CDH8: variants seen among roughly 807,000 people sequenced by gnomAD.
CDH8 encodes cadherin 8.
In CDH8, 17 loss-of-function variants were observed where a neutral mutation model predicts 68.1. That is an observed-to-expected ratio of 0.25 (90% CI 0.17 to 0.37). The LOEUF is 0.37. Among genes scored for constraint, CDH8 ranks in the 10% least tolerant of loss-of-function variants. The pLI, the probability that CDH8 is intolerant of heterozygous loss-of-function variation, is 1.00. For missense variants in CDH8, 763 were observed against 999.3 expected (o/e 0.76, Z 3.19); for synonymous variants, 372 against 365.1 (o/e 1.02, Z -0.21).
chr16:61,889,014 T>C (rs867983583), intron 3 of CDH8, among the ~76,000 whole-genome samples: 5 of 152,158 alleles, frequency 3.3e-5, no homozygotes, highest in Admixed American at 2.0e-4. Context: ...GTAGCACAAA[T>C]ATGATTAGAA....
chr16:61,954,215 T>A lies in CDH8; in HGVS notation c.253-52742A>T, dbSNP rs76873604. ...TGAAGTTGGTTGTTCAGCTCTCATC[T>A]ATCCACCATGGAGAAAGGAGGAGGA... On this transcript the variant is annotated intron_variant, in intron 2 of 11. Coordinates refer to ENST00000577390, the MANE Select transcript of CDH8 (RefSeq NM_001796.5). 5.7e-3 allele frequency among the ~76,000 whole-genome samples: 870 copies of A among 152,142 alleles called. 10 individuals carry two copies. The highest frequency in any genetic ancestry group is 0.027 in the Middle Eastern group (8 of 294).
At chr16:61,806,529 C>T (rs1235662687) in intron 7 of CDH8, among the ~76,000 whole-genome samples, 1 of 126,694 alleles carries the variant, frequency 7.9e-6, no homozygotes, top group African/African-American at 3.0e-5. Context: ...TCAGAGTGAA[C>T]AGGCAACCTA....
intron 2 of CDH8, among the ~76,000 whole-genome samples, chr16:62,011,674 TAAAAC>T (rs1313997809): frequency 9.9e-6 from 1 of 100,820 alleles, no homozygotes; most frequent in Non-Finnish European, 2.3e-5. Context: ...GGGGTAGTGT[TAAAAC>T]AGATTCTGAT....
In CDH8 at chr16:61,649,191, A is replaced by T. The variant is rs979498851; in HGVS notation, c.*4417T>A. ...AGTCTAAGTACAGCCTCACAACGTG[A>T]CATATTTAATTCTAATCCCAGGTAT... On this transcript the variant is annotated 3_prime_UTR_variant, in exon 12 of 12. Transcript: ENST00000577390. 6.6e-6 allele frequency: 1 copy of T among 151,966 alleles called. No homozygotes were observed. The highest frequency in any genetic ancestry group is 1.5e-5 in the Non-Finnish European group (1 of 67,946). The allele number at this position is 151,966 out of a possible 1,614,324, so 9.4% of individuals were successfully genotyped here. A position where few individuals can be genotyped will look rare whatever the true frequency, so the allele number is the denominator to read the frequency against.
At chr16:61,916,381 G>A (rs912956468) in intron 2 of CDH8, among the ~76,000 whole-genome samples, 2 of 152,092 alleles carry the variant, frequency 1.3e-5, no homozygotes, top group African/African-American at 4.8e-5. Context: ...TGGGTGTGGT[G>A]GCGCATGCCT....
In CDH8 at chr16:61,655,709, C is replaced by A. The variant is rs763801431; in HGVS notation, c.1667G>T (p.Ser556Ile). The change falls in exon 11 of 12, where the codon AGT becomes ATT. Residue 556 changes from serine to isoleucine, a missense_variant. Transcript: ENST00000577390. ...TIKKNEDNSL[S>I]ILAKHNGFNR... is the part of the protein sequence containing the mutation. ...GAATCCATTATGCTTTGCCAAAATACTGAGGGAATTATCTGAAAAAAGTAA... is the reference window on the plus strand; with the variant it reads ...GAATCCATTATGCTTTGCCAAAATAATGAGGGAATTATCTGAAAAAAGTAA... 1 of 1,613,608 alleles carries A rather than the reference C, an allele frequency of 6.2e-7. No individual in the cohort carries two copies. Among genetic ancestry groups the A allele is most frequent in the South Asian group, 1.1e-5 (1 of 91,032 alleles).
intron 2 of CDH8, among the ~76,000 whole-genome samples, chr16:61,935,813 T>C (rs1256174743): frequency 6.6e-6 from 1 of 152,186 alleles, no homozygotes. Context: ...ACATCATGGG[T>C]ACATTTTTAG....
intron 7 of CDH8, among the ~76,000 whole-genome samples, chr16:61,796,634 C>T (rs529723649): frequency 8.5e-5 from 13 of 152,148 alleles, no homozygotes; most frequent in African/African-American, 2.6e-4. Flanking sequence ...CACTTTTAAT[C>T]CAACAAGTAT....
chr16:61,784,146 T>C (rs1961166989), intron 8 of CDH8, among the ~76,000 whole-genome samples: 3 of 151,824 alleles, frequency 2.0e-5, no homozygotes, highest in South Asian at 4.2e-4. Flanking sequence ...ACTGGCAAAT[T>C]GGATAAAGAG....
intron 2 of CDH8, among the ~76,000 whole-genome samples, chr16:61,905,205 G>A (rs183424554): frequency 6.6e-4 from 100 of 152,250 alleles, no homozygotes; most frequent in Admixed American, 2.0e-3. Flanking sequence ...ATGCAATCCC[G>A]CCTGGGCAGG....
intron 3 of CDH8, among the ~76,000 whole-genome samples, chr16:61,877,927 C>T (rs1418483587): frequency 6.6e-6 from 1 of 152,110 alleles, no homozygotes; most frequent in Non-Finnish European, 1.5e-5. Flanking sequence ...CACAAGTTTA[C>T]CTTTGTGATA....
intron 8 of CDH8, among the ~76,000 whole-genome samples, chr16:61,742,714 C>T (rs1959909935): frequency 6.6e-6 from 1 of 152,002 alleles, no homozygotes; most frequent in Non-Finnish European, 1.5e-5. Context: ...GTTTGTTTTG[C>T]TAATATGTTA....
rs149167254 is a variant in CDH8, at chr16:61,679,864, G to C, written c.1655-24143C>G. Among the ~76,000 whole-genome samples, 541 of 151,978 alleles carry C rather than the reference G, an allele frequency of 3.6e-3. 3 individuals are homozygous for C. Among genetic ancestry groups the C allele is most frequent in the African/African-American group, 0.012 (517 of 41,506 alleles). ...TATGTCTCAAGATAAAAGGATCACT[G>C]CTTCATTGTAGTCTATGCCATGGTT... is the stretch of plus-strand genomic sequence containing the variant. On this transcript the variant is annotated intron_variant, in intron 10 of 11. Transcript: ENST00000577390.
rs58111667 is a variant in CDH8, at chr16:61,748,695, A to T, written c.1415-21480T>A. 1.1e-4 allele frequency among the ~76,000 whole-genome samples: 16 copies of T among 152,158 alleles called. No homozygotes were observed. The East Asian group carries it at 3.1e-3, about 29-fold the overall frequency. ...ACATACAGAGATGCAATACCAGGTT[A>T]TAAGAATGTAAACTTCCTTTCTCTA... is the stretch of plus-strand genomic sequence containing the variant. On this transcript the variant is annotated intron_variant, in intron 8 of 11. Transcript: ENST00000577390.
At chr16:61,783,539 G>A (rs939655031) in intron 8 of CDH8, among the ~76,000 whole-genome samples, 15 of 150,858 alleles carry the variant, frequency 9.9e-5, no homozygotes, top group South Asian at 8.4e-4. Context: ...GAGAACTTCC[G>A]CAATCTAGCA....
intron 2 of CDH8, among the ~76,000 whole-genome samples, chr16:61,987,574 A>C (rs992024426): frequency 1.3e-5 from 2 of 152,126 alleles, no homozygotes; most frequent in East Asian, 1.9e-4. Flanking sequence ...TAATAATTTT[A>C]CCTCCGTTTG....
chr16:62,012,761 G>A (rs189868078), intron 2 of CDH8, among the ~76,000 whole-genome samples: 41 of 151,950 alleles, frequency 2.7e-4, no homozygotes, highest in African/African-American at 8.9e-4. Flanking sequence ...ATTGCTTTGC[G>A]GTATAGTTAC....
chr16:61,917,992 T>C (rs2143370076), intron 2 of CDH8, among the ~76,000 whole-genome samples: 1 of 145,422 alleles, frequency 6.9e-6, no homozygotes, highest in East Asian at 2.0e-4. Context: ...TTTTTTACCG[T>C]ACTGACATTT....
chr16:61,973,262 C>G (rs1965375817), intron 2 of CDH8, among the ~76,000 whole-genome samples: 1 of 152,236 alleles, frequency 6.6e-6, no homozygotes, highest in Non-Finnish European at 1.5e-5. Context: ...TCCACTTCCA[C>G]TTAATGAATA....
Sources: allele counts gnomAD v4.1 joint callset (sites outside exome capture counted in the v4.1 genomes callset), GRCh38; gene constraint gnomAD v4.1.1; transcripts MANE v1.5; gene names NCBI Gene and HGNC (gene_info 2026-07-23, HGNC 2026-07-21).